Variants in GPC5 observed in about 807,000 individuals in gnomAD.
GPC5 encodes glypican-5.
GPC5 carries 47 observed loss-of-function variants against 53.9 expected under a neutral mutation model. The ratio of observed to expected loss-of-function variants is 0.87; its 90% confidence interval spans 0.69 to 1.11. GPC5 has a LOEUF of 1.11. Among genes scored for constraint, GPC5 ranks in the 50% most tolerant of loss-of-function variants. The pLI, the probability that GPC5 is intolerant of heterozygous loss-of-function variation, is 0.00. For synonymous variants in GPC5, 286 were observed against 263.3 expected (o/e 1.09, Z -0.84); for missense variants, 748 against 713.1 (o/e 1.05, Z -0.56).
chr13:92,119,718 T>G (rs1345009067), intron 6 of GPC5, among the ~76,000 whole-genome samples: 1 of 151,858 alleles, frequency 6.6e-6, no homozygotes, highest in Non-Finnish European at 1.5e-5. Context: ...ACTAGCTCTT[T>G]GTTACTATCT....
At chr13:91,874,461 A>T (rs1190394023) in intron 5 of GPC5, among the ~76,000 whole-genome samples, 1 of 152,162 alleles carries the variant, frequency 6.6e-6, no homozygotes, top group African/African-American at 2.4e-5. Context: ...TCCATAATTC[A>T]TGTATATGTC....
chr13:91,571,511 G>C (rs1044319391), intron 2 of GPC5, among the ~76,000 whole-genome samples: 2 of 151,788 alleles, frequency 1.3e-5, no homozygotes, highest in Non-Finnish European at 2.9e-5. Context: ...TTGTGAGTAG[G>C]TCAGGAGTTC....
At chr13:92,590,796 T>G (rs114880198) in intron 7 of GPC5, among the ~76,000 whole-genome samples, 2 of 152,210 alleles carry the variant, frequency 1.3e-5, no homozygotes, top group Admixed American at 6.5e-5. Context: ...TTGAGCACTT[T>G]CCATTTGTCA....
At chr13:92,789,476 G>C (rs1338242561) in intron 7 of GPC5, among the ~76,000 whole-genome samples, 1 of 152,008 alleles carries the variant, frequency 6.6e-6, no homozygotes, top group Non-Finnish European at 1.5e-5. Flanking sequence ...TGGTAGGAAT[G>C]GTTTATTTAT....
chr13:91,500,254 G>A (rs1884543550), intron 2 of GPC5, among the ~76,000 whole-genome samples: 1 of 152,206 alleles, frequency 6.6e-6, no homozygotes, highest in Admixed American at 6.5e-5. Context: ...AAATTAGAAT[G>A]GTTCTTGGCA....
chr13:92,457,712 T>G (rs540292018), intron 7 of GPC5, among the ~76,000 whole-genome samples: 1 of 151,948 alleles, frequency 6.6e-6, no homozygotes, highest in Non-Finnish European at 1.5e-5. Flanking sequence ...ATTCCATCCA[T>G]GCAAAATGGC....
chr13:92,864,846 C>T (rs1446343557), intron 7 of GPC5, among the ~76,000 whole-genome samples: 4 of 151,992 alleles, frequency 2.6e-5, no homozygotes, highest in Non-Finnish European at 5.9e-5. Context: ...TGCAGCACAG[C>T]TTATCTTCTG....
chr13:92,834,102 C>A (rs753238890), intron 7 of GPC5, among the ~76,000 whole-genome samples: 1 of 152,008 alleles, frequency 6.6e-6, no homozygotes, highest in Non-Finnish European at 1.5e-5. Flanking sequence ...ATTCAAGAGA[C>A]AGAAAACAAA....
intron 6 of GPC5, among the ~76,000 whole-genome samples, chr13:92,119,299 G>A (rs373877432): frequency 6.6e-6 from 1 of 151,818 alleles, no homozygotes; most frequent in Non-Finnish European, 1.5e-5. Context: ...GCCACAACAT[G>A]TGGGAATTAT....
intron 2 of GPC5, among the ~76,000 whole-genome samples, chr13:91,589,445 C>T (rs7333193): frequency 0.034 from 5,144 of 152,140 alleles, 258 homozygotes; most frequent in African/African-American, 0.11. Context: ...TCAAAGTGAG[C>T]CTGTCCAAGA....
chr13:91,852,121 T>A (rs1452068450), intron 5 of GPC5, among the ~76,000 whole-genome samples: 9 of 152,096 alleles, frequency 5.9e-5, no homozygotes, highest in South Asian at 2.1e-4. Flanking sequence ...CCACCAACAG[T>A]TAAAAAATTA....
intron 6 of GPC5, among the ~76,000 whole-genome samples, chr13:92,083,496 T>C (rs1276645514): frequency 6.6e-6 from 1 of 152,110 alleles, no homozygotes; most frequent in African/African-American, 2.4e-5. Context: ...TGAAAGAATA[T>C]AAAGATGTGT....
At chr13:92,060,518 C>T (rs1371800941) in intron 6 of GPC5, among the ~76,000 whole-genome samples, 1 of 151,926 alleles carries the variant, frequency 6.6e-6, no homozygotes, top group African/African-American at 2.4e-5. Flanking sequence ...TCTCTTTAAG[C>T]ATAAGTTAAT....
At chr13:92,457,844 T>G (rs936958928) in intron 7 of GPC5, among the ~76,000 whole-genome samples, 2 of 152,184 alleles carry the variant, frequency 1.3e-5, no homozygotes, top group African/African-American at 2.4e-5. Context: ...TATTGACCCT[T>G]ACGGTTAATC....
chr13:92,613,385 TTATATATAA>T (rs1256679649), intron 7 of GPC5, among the ~76,000 whole-genome samples: 1 of 65,030 alleles, frequency 1.5e-5, no homozygotes. Context: ...ATATATTATA[TTATATATAA>T]ATATATATTA....
chr13:92,549,252 A>T (rs1286539531), intron 7 of GPC5, among the ~76,000 whole-genome samples: 4 of 152,162 alleles, frequency 2.6e-5, no homozygotes, highest in African/African-American at 9.6e-5. Flanking sequence ...AAAGGGAACC[A>T]TACCTACTAA....
At chr13:92,254,842 T>A (rs1426860658) in intron 7 of GPC5, among the ~76,000 whole-genome samples, 1 of 152,148 alleles carries the variant, frequency 6.6e-6, no homozygotes, top group Non-Finnish European at 1.5e-5. Flanking sequence ...TGCCCCATGA[T>A]GTAATCACCT....
chr13:92,457,287 A>G (rs1167718438), intron 7 of GPC5, among the ~76,000 whole-genome samples: 1 of 152,080 alleles, frequency 6.6e-6, no homozygotes, highest in Non-Finnish European at 1.5e-5. Flanking sequence ...TGCTATGGTG[A>G]ATAGTGCTGT....
At chr13:92,494,302 G>A (rs1879887048) in intron 7 of GPC5, among the ~76,000 whole-genome samples, 1 of 152,138 alleles carries the variant, frequency 6.6e-6, no homozygotes. Flanking sequence ...TGTTAGCCAG[G>A]ATGGTCTCGA....
Sources: allele counts gnomAD v4.1 joint callset (sites outside exome capture counted in the v4.1 genomes callset), GRCh38; gene constraint gnomAD v4.1.1; transcripts MANE v1.5; gene names NCBI Gene and HGNC (gene_info 2026-07-23, HGNC 2026-07-21).